ABCB1: variants seen among roughly 807,000 people sequenced by gnomAD.
The protein encoded by ABCB1 is ATP binding cassette subfamily B member 1.
Under a neutral mutation model 142.0 loss-of-function variants are expected in ABCB1, and 69 were observed. The ratio of observed to expected loss-of-function variants is 0.49; its 90% CI spans 0.40 to 0.59. ABCB1 has a LOEUF of 0.59. Among genes scored for constraint, ABCB1 ranks in the 20% least tolerant of loss-of-function variants. The pLI, the probability that ABCB1 is intolerant of heterozygous loss-of-function variation, is 0.00. For synonymous variants in ABCB1, 532 were observed against 539.2 expected, an observed-to-expected ratio of 0.99 and a Z score of 0.18; for missense variants, 1,326 against 1,554.7, an observed-to-expected ratio of 0.85 and a Z score of 2.47.
rs537913510 is a variant in ABCB1, at chr7:87,681,728, A to G, written c.-331+31433T>C. On this transcript the variant is annotated intron_variant, in intron 1 of 28. Transcript: ENST00000265724. ...GATATGACAATGTCTTAAGACAACA[A>G]TGGGCTGGGCACAGTGGCTTACAGC... 9.9e-5 allele frequency among the ~76,000 whole-genome samples: 15 copies of G among 151,778 alleles called. 1 individual carries two copies. The highest frequency in any genetic ancestry group is 1.2e-4 in the African/African-American group (5 of 41,314).
intron 1 of ABCB1, among the ~76,000 whole-genome samples, chr7:87,634,491 GGGT>G (rs1168815724): frequency 4.7e-5 from 6 of 126,806 alleles, no homozygotes; most frequent in Admixed American, 1.6e-4. Flanking sequence ...TGGTGGTGGG[GGGT>G]GGGGGGGGGG....
chr7:87,566,639 C>G (rs936281415), intron 6 of ABCB1, 146 bp downstream of exon 6: 6 of 815,210 alleles, frequency 7.4e-6, no homozygotes, highest in Non-Finnish European at 1.2e-5. Flanking sequence ...AGGATGCACA[C>G]GACATTGTTG....
intron 23 of ABCB1, among the ~76,000 whole-genome samples, chr7:87,518,120 C>T (rs546999984): frequency 1.2e-4 from 18 of 152,280 alleles, no homozygotes; most frequent in South Asian, 2.1e-4. Context: ...GGGAATTCAT[C>T]GCTTTCTTTC....
At chr7:87,709,659 T>C (rs2130736828) in intron 1 of ABCB1, among the ~76,000 whole-genome samples, 1 of 152,336 alleles carries the variant, frequency 6.6e-6, no homozygotes, top group African/African-American at 2.4e-5. Context: ...TTCACTAGAC[T>C]TGCAGACATT....
intron 9 of ABCB1, among the ~76,000 whole-genome samples, chr7:87,553,070 G>A (rs887377177): frequency 6.6e-6 from 1 of 152,050 alleles, no homozygotes; most frequent in Non-Finnish European, 1.5e-5. Context: ...GCTGCCATTC[G>A]AAATAATTTG....
intron 1 of ABCB1, among the ~76,000 whole-genome samples, chr7:87,662,490 C>G (rs1458007715): frequency 6.6e-6 from 1 of 152,114 alleles, no homozygotes; most frequent in Non-Finnish European, 1.5e-5. Context: ...GTTTTCCCAG[C>G]ACCATTTATT....
At chr7:87,649,893 C>T (rs1035271840) in intron 1 of ABCB1, among the ~76,000 whole-genome samples, 2 of 152,142 alleles carry the variant, frequency 1.3e-5, no homozygotes, top group Non-Finnish European at 2.9e-5. Context: ...TGCTCTCTTG[C>T]GTGCTGCCAT....
chr7:87,532,827 A>C (rs1391594030), intron 20 of ABCB1, among the ~76,000 whole-genome samples: 2 of 152,130 alleles, frequency 1.3e-5, no homozygotes, highest in African/African-American at 4.8e-5. Flanking sequence ...CTTGTACAAG[A>C]TCCAAGAACC....
chr7:87,689,372 CA>C (rs1827796700), intron 1 of ABCB1, among the ~76,000 whole-genome samples: 2 of 151,954 alleles, frequency 1.3e-5, no homozygotes, highest in South Asian at 4.2e-4. Context: ...GTGATTTTTG[CA>C]AATTAGCATA....
intron 1 of ABCB1, among the ~76,000 whole-genome samples, chr7:87,698,821 C>T (rs1043020926): frequency 6.6e-6 from 1 of 152,032 alleles, no homozygotes; most frequent in African/African-American, 2.4e-5. Flanking sequence ...GGTCCTGTGC[C>T]AACAGAGGGA....
intron 1 of ABCB1, among the ~76,000 whole-genome samples, chr7:87,613,265 T>C (rs1217943641): frequency 3.5e-5 from 5 of 143,614 alleles, no homozygotes; most frequent in Admixed American, 2.8e-4. Flanking sequence ...TTCTTTTTTT[T>C]TTTTTTTTTT....
chr7:87,659,140 C>A (rs188446121), intron 1 of ABCB1: 11 of 371,784 alleles, frequency 3.0e-5, no homozygotes, highest in Admixed American at 1.6e-4. Context: ...CTAGCCTGGG[C>A]AATAGAATGA....
chr7:87,547,735 C>T lies in ABCB1; in HGVS notation c.1725+1613G>A, dbSNP rs182623413. The stretch of plus-strand genomic sequence containing the variant: ...AAATACAAAAATTAGCCAGGTGTGG[C>T]GGTGCATGCCTGTAATCCTAGCTAC... On this transcript the variant is annotated intron_variant, in intron 14 of 27. Coordinates refer to ENST00000622132, the MANE Select transcript of ABCB1 (RefSeq NM_001348946.2). Among the ~76,000 whole-genome samples, 753 of 148,030 alleles carry T rather than the reference C, an allele frequency of 5.1e-3. 13 individuals carry two copies. Among genetic ancestry groups the T allele is most frequent in the African/African-American group, 0.017 (696 of 40,244 alleles).
chr7:87,546,564 A>T (rs1016597807), intron 14 of ABCB1, among the ~76,000 whole-genome samples: 4 of 148,118 alleles, frequency 2.7e-5, no homozygotes, highest in African/African-American at 1.0e-4. Context: ...TCAAAAAAAA[A>T]AAATAAAAAA....
chr7:87,688,482 T>C (rs1181037564), intron 1 of ABCB1, among the ~76,000 whole-genome samples: 1 of 151,958 alleles, frequency 6.6e-6, no homozygotes, highest in Non-Finnish European at 1.5e-5. Flanking sequence ...TTCATGACTT[T>C]TGCCTATTTC....
At chr7:87,561,237 T>C (rs201191960) in intron 8 of ABCB1, 26 bp downstream of exon 8, 1 of 1,612,816 alleles carries the variant, frequency 6.2e-7, no homozygotes, top group Non-Finnish European at 8.5e-7. Flanking sequence ...TTAACATATC[T>C]ATCCATTTAA....
chr7:87,534,910 G>A lies in ABCB1; in HGVS notation c.2481+1548C>T, dbSNP rs756269036. 3.8e-3 allele frequency among the ~76,000 whole-genome samples: 342 copies of A among 90,584 alleles called. 1 individual carries two copies. Among genetic ancestry groups the A allele is most frequent in the Non-Finnish European group, 5.3e-3 (275 of 52,004 alleles). 59.4% of individuals were successfully genotyped at this position (90,584 alleles called of 152,430 possible). A position where few individuals can be genotyped will look rare whatever the true frequency, so the allele number is the denominator to read the frequency against. On this transcript the variant is annotated intron_variant, in intron 20 of 27. Coordinates refer to ENST00000622132, the MANE Select transcript of ABCB1 (RefSeq NM_001348946.2). Reference sequence around the variant, plus strand: ...GGCCTGGGCTACAAAGAGAGACCCTGTCTCTTTAAAAAAAAAAAAAAAAAA... The same window carrying A: ...GGCCTGGGCTACAAAGAGAGACCCTATCTCTTTAAAAAAAAAAAAAAAAAA...
intron 1 of ABCB1, among the ~76,000 whole-genome samples, chr7:87,625,352 C>G (rs985393489): frequency 2.6e-5 from 4 of 152,114 alleles, no homozygotes; most frequent in African/African-American, 9.7e-5. Flanking sequence ...GTGAAAATAA[C>G]ATGAACATGT....
At chr7:87,571,323 T>C (rs12539098) in intron 4 of ABCB1, among the ~76,000 whole-genome samples, 59,805 of 151,940 alleles carry the variant, frequency 0.39, 12,593 homozygotes, top group East Asian at 0.64. Context: ...CCTGCAGGTA[T>C]GGTGCAAGAA....
Sources: gnomAD v4.1 joint callset for allele counts (sites outside exome capture counted in the v4.1 genomes callset) on GRCh38, gnomAD v4.1.1 for gene constraint, MANE v1.5 for transcripts, NCBI Gene and HGNC (gene_info 2026-07-23, HGNC 2026-07-21) for gene names.